Variants in RAB31 observed in about 807,000 individuals in gnomAD.
RAB31 encodes the protein ras-related protein Rab-31.
Under a neutral mutation model 25.6 loss-of-function variants are expected in RAB31, and 21 were observed. That is an observed-to-expected ratio of 0.82 (90% CI 0.58 to 1.18). The LOEUF is 1.18. RAB31 is among the 50% of genes most tolerant of loss of function. RAB31 has a pLI of 0.00. For synonymous variants in RAB31, 87 were observed against 84.0 expected (o/e 1.04, Z -0.20); for missense variants, 196 against 250.1 (o/e 0.78, Z 1.46).
intron 5 of RAB31, among the ~76,000 whole-genome samples, chr18:9,827,151 G>A (rs2068653858): frequency 6.6e-6 from 1 of 151,886 alleles, no homozygotes; most frequent in African/African-American, 2.4e-5. Context: ...GGTCATTTTT[G>A]GACATTGGCC....
chr18:9,759,096 G>A (rs1427163335), intron 1 of RAB31, among the ~76,000 whole-genome samples: 2 of 152,176 alleles, frequency 1.3e-5, no homozygotes, highest in South Asian at 2.1e-4. Flanking sequence ...GGGAATAGAC[G>A]TTCAGACATG....
intron 1 of RAB31, among the ~76,000 whole-genome samples, chr18:9,709,278 T>TAAAC (rs1459689253): frequency 5.3e-5 from 8 of 152,114 alleles, no homozygotes; most frequent in African/African-American, 1.7e-4. Flanking sequence ...GGAATTCAGA[T>TAAAC]AAACGTAGGG....
intron 2 of RAB31, among the ~76,000 whole-genome samples, chr18:9,789,250 G>A (rs2145498756): frequency 6.6e-6 from 1 of 152,252 alleles, no homozygotes; most frequent in South Asian, 2.1e-4. Context: ...GGAAGGATAG[G>A]GAGAGCTTGG....
chr18:9,743,300 A>G (rs149539335), intron 1 of RAB31, among the ~76,000 whole-genome samples: 1 of 152,372 alleles, frequency 6.6e-6, no homozygotes, highest in Non-Finnish European at 1.5e-5. Flanking sequence ...GAAAGCTATA[A>G]AACAATATGT....
intron 1 of RAB31, among the ~76,000 whole-genome samples, chr18:9,717,629 C>T (rs2068051321): frequency 6.6e-6 from 1 of 151,970 alleles, no homozygotes; most frequent in Non-Finnish European, 1.5e-5. Flanking sequence ...TAATGTGTCG[C>T]TCTGGGAGGG....
At chr18:9,806,918 A>G (rs116458403) in intron 3 of RAB31, among the ~76,000 whole-genome samples, 2,801 of 152,324 alleles carry the variant, frequency 0.018, 80 homozygotes, top group African/African-American at 0.065. Flanking sequence ...AAAGTTAAAA[A>G]TAAATACATT....
intron 1 of RAB31, among the ~76,000 whole-genome samples, chr18:9,768,875 G>A (rs1037761100): frequency 6.6e-6 from 1 of 152,138 alleles, no homozygotes; most frequent in Non-Finnish European, 1.5e-5. Flanking sequence ...TTTTGTATAA[G>A]GTGTAAGGAA....
At chr18:9,749,693 A>G (rs1322082752) in intron 1 of RAB31, among the ~76,000 whole-genome samples, 1 of 152,244 alleles carries the variant, frequency 6.6e-6, no homozygotes, top group Non-Finnish European at 1.5e-5. Flanking sequence ...TGAGGTTTGC[A>G]GAATTGTTCC....
At chr18:9,757,899 A>C (rs2068267828) in intron 1 of RAB31, 1 of 152,236 alleles carries the variant, frequency 6.6e-6, no homozygotes, top group Admixed American at 6.5e-5. Context: ...CAATGCCTCT[A>C]AGATTTCTAT....
intron 3 of RAB31, among the ~76,000 whole-genome samples, chr18:9,809,263 A>G (rs560392352): frequency 2.6e-5 from 4 of 152,376 alleles, no homozygotes; most frequent in Admixed American, 2.6e-4. Context: ...TAAGAAAAGT[A>G]GGATAGAGCC....
intron 5 of RAB31, among the ~76,000 whole-genome samples, 176 bp from the exon 6 acceptor site, chr18:9,845,406 G>T (rs1459339813): frequency 6.6e-6 from 1 of 152,156 alleles, no homozygotes. Context: ...CAGAGACTGG[G>T]TTTTAAACTT....
At chr18:9,713,248 A>G (rs1321081961) in intron 1 of RAB31, among the ~76,000 whole-genome samples, 1 of 152,186 alleles carries the variant, frequency 6.6e-6, no homozygotes, top group Non-Finnish European at 1.5e-5. Flanking sequence ...TTTGCTTTCC[A>G]AGTCTGAGAT....
chr18:9,812,264 C>T (rs935743098), intron 3 of RAB31, among the ~76,000 whole-genome samples: 13 of 152,282 alleles, frequency 8.5e-5, no homozygotes, highest in Middle Eastern at 6.8e-3. Flanking sequence ...AACATTATAC[C>T]ATGAGTCAAT....
intron 3 of RAB31, among the ~76,000 whole-genome samples, chr18:9,810,087 C>T (rs1255757413): frequency 2.0e-5 from 3 of 152,220 alleles, no homozygotes; most frequent in Non-Finnish European, 4.4e-5. Context: ...TGGGTTTTCA[C>T]AGTTCCCTGT....
intron 1 of RAB31, among the ~76,000 whole-genome samples, chr18:9,716,733 A>G (rs1023866981): frequency 2.0e-5 from 3 of 152,072 alleles, no homozygotes; most frequent in African/African-American, 7.2e-5. Flanking sequence ...GTCAGCAGAA[A>G]TGAGGAAAAG....
At chr18:9,747,337 A>G (rs1188445824) in intron 1 of RAB31, among the ~76,000 whole-genome samples, 1 of 152,212 alleles carries the variant, frequency 6.6e-6, no homozygotes, top group Non-Finnish European at 1.5e-5. Flanking sequence ...GTGATTCCTC[A>G]AAAAGTTAAA....
intron 5 of RAB31, among the ~76,000 whole-genome samples, chr18:9,838,398 T>A (rs1414373243): frequency 1.3e-5 from 2 of 152,112 alleles, no homozygotes; most frequent in Non-Finnish European, 2.9e-5. Flanking sequence ...GTGGAGCTCA[T>A]CTCTCTCCAA....
In RAB31 at chr18:9,734,886, T is replaced by C. The variant is rs576145786; in HGVS notation, c.39+26442T>C. 65 of 284,788 alleles carry C rather than the reference T, an allele frequency of 2.3e-4. 1 individual carries two copies. The highest frequency in any genetic ancestry group is 2.2e-3 in the South Asian group (59 of 27,360). The allele number at this position is 284,788 out of a possible 1,614,324, so 17.6% of individuals were successfully genotyped here. A position where few individuals can be genotyped will look rare whatever the true frequency, so the allele number is the denominator to read the frequency against. ...CTTAATCTTCTCAGCTCATCAGAAT[T>C]GGGCCTTCATGATGACAGACTGCTT... On this transcript the variant is annotated intron_variant, in intron 1 of 6. Transcript: ENST00000578921.
In RAB31 at chr18:9,862,227, C is replaced by T. The variant is rs1178482577; in HGVS notation, c.*2902C>T. ...CATGGCAAGTTGAATGGTGAGCTAG[C>T]TTATAAATTAAAGAGCTCTGAACTG... On this transcript the variant is annotated 3_prime_UTR_variant, in exon 7 of 7. Transcript: ENST00000578921. 6.6e-6 allele frequency: 1 copy of T among 152,174 alleles called. No homozygotes were observed. The highest frequency in any genetic ancestry group is 1.9e-4 in the East Asian group (1 of 5,196). The allele number at this position is 152,174 out of a possible 1,614,324, so 9.4% of individuals were successfully genotyped here. A position where few individuals can be genotyped will look rare whatever the true frequency, so the allele number is the denominator to read the frequency against.
Sources: gnomAD v4.1 joint callset for allele counts (sites outside exome capture counted in the v4.1 genomes callset) on GRCh38, gnomAD v4.1.1 for gene constraint, MANE v1.5 for transcripts, NCBI Gene and HGNC (gene_info 2026-07-23, HGNC 2026-07-21) for gene names.